The following FKBP1B variants were observed in gnomAD, a reference collection of about 807,000 sequenced individuals.
FKBP1B encodes peptidyl-prolyl cis-trans isomerase FKBP1B.
FKBP1B carries 4 observed loss-of-function variants against 13.5 expected under a neutral mutation model. The ratio of observed to expected loss-of-function variants is 0.30; its 90% CI spans 0.15 to 0.68. The LOEUF (loss-of-function observed/expected upper bound fraction) is 0.68. Ranked by LOEUF, FKBP1B falls within the 30% of genes least tolerant of loss-of-function variation. The pLI is 0.76. For missense variants in FKBP1B, 93 were observed against 136.2 expected, an observed-to-expected ratio of 0.68 and a Z score of 1.58; for synonymous variants, 54 against 53.6, an observed-to-expected ratio of 1.01 and a Z score of -0.03.
At chr2:24,038,661 GGAA>G in the FKBP1B span, 8 of 1,614,190 alleles carry the variant, frequency 5.0e-6, no homozygotes, top group Non-Finnish European at 6.8e-6. Flanking sequence ...GTTCTAAATA[GGAA>G]GAAGAAACTG....
chr2:24,060,126 A>AG (rs1491536121), intron 2 of FKBP1B, among the ~76,000 whole-genome samples: 1 of 71,800 alleles, frequency 1.4e-5, no homozygotes, highest in African/African-American at 7.8e-5. Flanking sequence ...GTGTTTAAAG[A>AG]AAAAAAAAAA....
intron 1 of FKBP1B, 98 bp downstream of exon 1, chr2:24,049,984 G>T: frequency 1.0e-6 from 1 of 998,616 alleles, no homozygotes; most frequent in South Asian, 2.7e-5. Context: ...GGGTGCTGAA[G>T]GGTCGGGGGG....
intron 2 of FKBP1B, among the ~76,000 whole-genome samples, chr2:24,056,862 G>C (rs1205601799): frequency 1.3e-5 from 2 of 151,138 alleles, no homozygotes. Context: ...GGCTAATTTT[G>C]AGGTTTTTAG....
upstream of FKBP1B, among the ~76,000 whole-genome samples, chr2:24,045,376 T>C (rs1573670609): frequency 6.9e-6 from 1 of 145,084 alleles, no homozygotes; most frequent in Non-Finnish European, 1.5e-5. Flanking sequence ...CTGAGGCAGG[T>C]GGATCATCTG....
the FKBP1B span, among the ~76,000 whole-genome samples, chr2:24,037,395 A>AT: frequency 1.3e-5 from 2 of 152,042 alleles, no homozygotes; most frequent in Non-Finnish European, 2.9e-5. Flanking sequence ...AAATAACATG[A>AT]TTTTTTTTCT....
At chr2:24,062,930 T>C (rs987803040) in intron 3 of FKBP1B, 134 bp from the exon 4 acceptor site, 194 of 1,312,568 alleles carry the variant, frequency 1.5e-4, no homozygotes, top group Non-Finnish European at 1.9e-4. Context: ...ATGTATCCCA[T>C]GTAAAATTCA....
intron 1 of FKBP1B, 139 bp from the exon 2 acceptor site, chr2:24,053,763 A>G (rs1663987719): frequency 1.2e-6 from 1 of 805,066 alleles, no homozygotes; most frequent in South Asian, 1.5e-5. Context: ...TACAGGGCCC[A>G]GAGCCAGAAC....
At chr2:24,035,765 T>A in the FKBP1B span, among the ~76,000 whole-genome samples, 35 of 150,580 alleles carry the variant, frequency 2.3e-4, no homozygotes, top group East Asian at 9.7e-4. Flanking sequence ...TAAAAAAAAA[T>A]TTTTTTTAAT....
chr2:24,034,308 C>CGCT, the FKBP1B span, among the ~76,000 whole-genome samples: 2 of 152,132 alleles, frequency 1.3e-5, no homozygotes, highest in Non-Finnish European at 2.9e-5. Flanking sequence ...GTAATCCCAA[C>CGCT]TACCTGGGTG....
chr2:24,061,983 C>T (rs1318480344), intron 3 of FKBP1B, among the ~76,000 whole-genome samples: 1 of 152,114 alleles, frequency 6.6e-6, no homozygotes, highest in Non-Finnish European at 1.5e-5. Context: ...CATTCTTCTG[C>T]CTCAGCCTCC....
the FKBP1B span, among the ~76,000 whole-genome samples, chr2:24,041,237 G>C: frequency 1.3e-5 from 2 of 151,574 alleles, no homozygotes; most frequent in East Asian, 3.9e-4. Context: ...TACTCAGGAG[G>C]CTGAGGCAGG....
At chr2:24,038,162 G>A in the FKBP1B span, 4 of 1,614,168 alleles carry the variant, frequency 2.5e-6, no homozygotes, top group Non-Finnish European at 3.4e-6. Context: ...TAGGTAGTCT[G>A]GCTTTCACCT....
At chr2:24,052,984 A>C (rs1663948754) in intron 1 of FKBP1B, among the ~76,000 whole-genome samples, 1 of 152,130 alleles carries the variant, frequency 6.6e-6, no homozygotes, top group Admixed American at 6.5e-5. Flanking sequence ...TAAAAAAAAA[A>C]AGTAAACTCT....
At chr2:24,057,620 G>A (rs1362832420) in intron 2 of FKBP1B, among the ~76,000 whole-genome samples, 2 of 151,996 alleles carry the variant, frequency 1.3e-5, no homozygotes, top group East Asian at 3.9e-4. Flanking sequence ...TGATCTGCTC[G>A]CCTCGGCCTC....
rs957074213 is a variant in FKBP1B, at chr2:24,050,592, A to G, written c.37+706A>G. 5.3e-5 allele frequency among the ~76,000 whole-genome samples: 8 copies of G among 151,878 alleles called. No individual in the cohort carries two copies. The highest frequency in any genetic ancestry group is 1.9e-4 in the African/African-American group (8 of 41,332). ...GTCCAAAACAGAACTCTCGCTTCCC[A>G]CCTTCTCTCCTAAGTGATCCTCTTT... is the stretch of plus-strand genomic sequence containing the variant. On this transcript the variant is annotated intron_variant, in intron 1 of 3. Transcript: ENST00000380986. The surrounding 1 kb of genome is among the most constrained non-coding windows in gnomAD (Gnocchi z 5.8).
At chr2:24,060,287 A>G (rs985493602) in intron 2 of FKBP1B, among the ~76,000 whole-genome samples, 4 of 152,314 alleles carry the variant, frequency 2.6e-5, no homozygotes, top group Admixed American at 2.6e-4. Flanking sequence ...ACAGTGGCTC[A>G]TGCTTGTAAT....
At chr2:24,033,780 G>A in the FKBP1B span, among the ~76,000 whole-genome samples, 2 of 151,684 alleles carry the variant, frequency 1.3e-5, no homozygotes, top group South Asian at 2.1e-4. Flanking sequence ...TATAAGTTAT[G>A]TGTCTAACTT....
At chr2:24,038,771 T>C in the FKBP1B span, 7 of 1,614,188 alleles carry the variant, frequency 4.3e-6, no homozygotes, top group East Asian at 2.2e-5. Flanking sequence ...TCTTTACTGT[T>C]AGGTGGGATA....
rs1419204711 is a variant in FKBP1B, at chr2:24,050,850, A to G, written c.37+964A>G. On this transcript the variant is annotated intron_variant, in intron 1 of 3. Coordinates refer to ENST00000380986, the MANE Select transcript of FKBP1B (RefSeq NM_004116.5). The surrounding 1 kb of genome is among the most constrained non-coding windows in gnomAD (Gnocchi z 5.8). ...TCTTCCTTGTCCAATCCCAGCCACTACTTCAGATATCCCCTGGAGTACAGG... is the reference window on the plus strand; with the variant it reads ...TCTTCCTTGTCCAATCCCAGCCACTGCTTCAGATATCCCCTGGAGTACAGG... Among the ~76,000 whole-genome samples, 1 of 152,172 alleles carries G rather than the reference A, an allele frequency of 6.6e-6. No homozygotes were observed. Among genetic ancestry groups the G allele is most frequent in the African/African-American group, 2.4e-5 (1 of 41,440 alleles).
Sources: allele counts gnomAD v4.1 joint callset (sites outside exome capture counted in the v4.1 genomes callset), GRCh38; gene constraint gnomAD v4.1.1; non-coding constraint Gnocchi (gnomAD v3.1); transcripts MANE v1.5; gene names NCBI Gene and HGNC (gene_info 2026-07-23, HGNC 2026-07-21).